The following RCAN3 variants were observed in gnomAD, a reference collection of about 807,000 sequenced individuals.
RCAN3 encodes calcipressin-3.
A neutral mutation model predicts 21.9 loss-of-function variants in RCAN3; 19 were observed. The ratio of observed to expected loss-of-function variants is 0.87; its 90% CI spans 0.61 to 1.27. RCAN3 has a LOEUF of 1.27. Ranked by LOEUF, RCAN3 falls within the 50% of genes most tolerant of loss-of-function variation. The pLI is 0.00. For missense variants in RCAN3, 240 were observed against 300.1 expected (o/e 0.80, Z 1.48); for synonymous variants, 114 against 112.3 (o/e 1.01, Z -0.09).
rs1242284068 is a variant in RCAN3 at position 24,535,305 on chromosome 1, G to A, written c.*28G>A. ...CCCTTGGTTGTGGTGCGAGGCGGCTGCCCTGGTGGGCTCTGGCCATGGCGC... is the reference window on the plus strand; with the variant it reads ...CCCTTGGTTGTGGTGCGAGGCGGCTACCCTGGTGGGCTCTGGCCATGGCGC... On this transcript the variant is annotated 3_prime_UTR_variant, in exon 5 of 5. Coordinates refer to ENST00000374395, the MANE Select transcript of RCAN3 (RefSeq NM_013441.4). 2.0e-6 allele frequency: 3 copies of A among 1,508,144 alleles called. No homozygotes were observed. The highest frequency in any genetic ancestry group is 2.6e-6 in the Non-Finnish European group (3 of 1,135,896). The allele number at this position is 1,508,144 out of a possible 1,614,324, so 93.4% of individuals were successfully genotyped here. A position where few individuals can be genotyped will look rare whatever the true frequency, so the allele number is the denominator to read the frequency against.
intron 2 of RCAN3, among the ~76,000 whole-genome samples, chr1:24,524,557 C>T (rs1448893241): frequency 6.6e-6 from 1 of 152,174 alleles, no homozygotes; most frequent in Admixed American, 6.6e-5. Flanking sequence ...AAGTCCATCT[C>T]TCTGGCTGTT....
chr1:24,508,643 C>T (rs1175936171), intron 1 of RCAN3, among the ~76,000 whole-genome samples: 1 of 152,144 alleles, frequency 6.6e-6, no homozygotes, highest in African/African-American at 2.4e-5. Flanking sequence ...TCATGTGCTA[C>T]AGAGATAGGC....
intron 3 of RCAN3, 56 bp from the exon 4 acceptor site, chr1:24,533,027 A>G (rs1022634604): frequency 1.7e-4 from 212 of 1,267,436 alleles, no homozygotes; most frequent in Non-Finnish European, 4.4e-5. Context: ...AAAGGTGAAA[A>G]TGAAGAAAAC....
At chr1:24,506,679 G>T (rs1483549437) in intron 1 of RCAN3, among the ~76,000 whole-genome samples, 1 of 141,492 alleles carries the variant, frequency 7.1e-6, no homozygotes. Flanking sequence ...ACTTCTGTTT[G>T]AAGTTATATC....
intron 2 of RCAN3, among the ~76,000 whole-genome samples, chr1:24,530,416 G>T (rs968707856): frequency 4.8e-5 from 7 of 145,894 alleles, no homozygotes; most frequent in Admixed American, 2.7e-4. Context: ...AACCTCAGGA[G>T]CAAGATCTAA....
At chr1:24,514,792 A>G (rs1372991278) in intron 2 of RCAN3, among the ~76,000 whole-genome samples, 3 of 152,012 alleles carry the variant, frequency 2.0e-5, no homozygotes, top group African/African-American at 7.3e-5. Context: ...AACATATAGA[A>G]ACCCTGTCTC....
chr1:24,528,868 C>G (rs1649502105), intron 2 of RCAN3, among the ~76,000 whole-genome samples: 1 of 152,154 alleles, frequency 6.6e-6, no homozygotes, highest in Non-Finnish European at 1.5e-5. Context: ...GTTTATAATA[C>G]TGTACCAAAC....
chr1:24,503,483 T>C (rs1647233116), intron 1 of RCAN3, among the ~76,000 whole-genome samples: 1 of 152,222 alleles, frequency 6.6e-6, no homozygotes, highest in African/African-American at 2.4e-5. Flanking sequence ...CCAGCCTGCC[T>C]GTGAAGGCAG....
intron 1 of RCAN3, among the ~76,000 whole-genome samples, chr1:24,506,051 G>A (rs77928273): frequency 1.3e-5 from 2 of 152,146 alleles, no homozygotes; most frequent in Non-Finnish European, 2.9e-5. Flanking sequence ...GAAGCCAGCC[G>A]TAGTTAGAGT....
intron 2 of RCAN3, among the ~76,000 whole-genome samples, chr1:24,528,426 T>C (rs1649455614): frequency 6.6e-6 from 1 of 152,094 alleles, no homozygotes; most frequent in Non-Finnish European, 1.5e-5. Flanking sequence ...GGCACACACA[T>C]GCATTATACA....
intron 2 of RCAN3, among the ~76,000 whole-genome samples, chr1:24,527,227 C>A (rs1259945728): frequency 6.6e-6 from 1 of 152,076 alleles, no homozygotes; most frequent in Non-Finnish European, 1.5e-5. Context: ...ATTGGCCAGG[C>A]TGGTCTCGAA....
At chr1:24,511,523 G>A (rs373320476) in intron 1 of RCAN3, among the ~76,000 whole-genome samples, 66 of 152,240 alleles carry the variant, frequency 4.3e-4, no homozygotes, top group African/African-American at 1.6e-3. Context: ...CCCACAACAC[G>A]TGTCGGTTAG....
chr1:24,531,283 T>G lies in RCAN3; in HGVS notation c.261T>G (p.Phe87Leu). The G allele has an allele frequency of 6.2e-7, 1 of 1,613,924 alleles. No individual in the cohort carries two copies. The highest frequency in any genetic ancestry group is 8.5e-7 in the Non-Finnish European group (1 of 1,179,878). Residue 87 changes from phenylalanine to leucine, a missense_variant, in exon 3 of 5, where the codon TTT becomes TTG. By Grantham distance (22) the Phe-to-Leu change is conservative. Coordinates refer to ENST00000374395, the MANE Select transcript of RCAN3 (RefSeq NM_013441.4). Reference sequence around the variant, plus strand: ...TTACTTTTCAGCTGTTTAAAAGCTTTAGAAGAGTCAGAATAAATTTCAGCA... The same window carrying G: ...TTACTTTTCAGCTGTTTAAAAGCTTGAGAAGAGTCAGAATAAATTTCAGCA... Reference protein sequence around the residue: ...DQVTFQLFKSFRRVRINFSKP... With the variant: ...DQVTFQLFKSLRRVRINFSKP...
intron 2 of RCAN3, among the ~76,000 whole-genome samples, chr1:24,514,968 CAA>C (rs36023468): frequency 0.34 from 45,931 of 136,644 alleles, 7,439 homozygotes; most frequent in East Asian, 0.66. Flanking sequence ...GACTCTGTCT[CAA>C]AAAAAAAAAA....
chr1:24,517,893 G>A (rs2148899395), intron 2 of RCAN3, among the ~76,000 whole-genome samples: 1 of 152,246 alleles, frequency 6.6e-6, no homozygotes, highest in Middle Eastern at 3.4e-3. Context: ...TCTTCTATCA[G>A]TGTCTTATTT....
intron 1 of RCAN3, among the ~76,000 whole-genome samples, chr1:24,508,484 G>A (rs1471300006): frequency 6.6e-6 from 1 of 152,188 alleles, no homozygotes; most frequent in African/African-American, 2.4e-5. Context: ...ATAAAGTCAC[G>A]CAGGAGAGAA....
Position 24,535,505 on chromosome 1 carries a change from A to G in RCAN3, c.*228A>G. 1 of 413,524 alleles carries G rather than the reference A, an allele frequency of 2.4e-6. No individual in the cohort carries two copies. Among genetic ancestry groups the G allele is most frequent in the Non-Finnish European group, 4.1e-6 (1 of 242,332 alleles). The allele number at this position is 413,524 out of a possible 1,614,324, so 25.6% of individuals were successfully genotyped here. A position where few individuals can be genotyped will look rare whatever the true frequency, so the allele number is the denominator to read the frequency against. ...AAAAGGGACTTTACATTAAAGGAGA[A>G]GCCCCCAAGATGTGGCCACCCTTAA... On this transcript the variant is annotated 3_prime_UTR_variant, in exon 5 of 5. Coordinates refer to ENST00000374395, the MANE Select transcript of RCAN3 (RefSeq NM_013441.4).
chr1:24,514,545 T>C lies in RCAN3; in HGVS notation c.173T>C (p.Val58Ala). 1.9e-6 allele frequency: 3 copies of C among 1,614,126 alleles called. No individual in the cohort carries two copies. The highest frequency in any genetic ancestry group is 8.5e-7 in the Non-Finnish European group (1 of 1,179,978). ...TTTGCTTGCAGCGTCCATGAAGCAGTGTTTGAGGCACGAGAGCAGAAGGTA... is the reference window on the plus strand; with the variant it reads ...TTTGCTTGCAGCGTCCATGAAGCAGCGTTTGAGGCACGAGAGCAGAAGGTA... ...SLFACSVHEA[V>A]FEAREQKERF... Residue 58 changes from valine to alanine, a missense_variant, in exon 2 of 5, where the codon GTG becomes GCG. By Grantham distance (64) the Val-to-Ala change is moderately conservative. Transcript: ENST00000374395.
intron 1 of RCAN3, among the ~76,000 whole-genome samples, chr1:24,504,725 G>C (rs900032222): frequency 2.0e-4 from 31 of 151,906 alleles, no homozygotes; most frequent in African/African-American, 7.3e-4. Flanking sequence ...TTGTTACTTA[G>C]AAAAAAAACA....
Sources: gnomAD v4.1 joint callset for allele counts (sites outside exome capture counted in the v4.1 genomes callset) on GRCh38, gnomAD v4.1.1 for gene constraint, MANE v1.5 for transcripts, NCBI Gene and HGNC (gene_info 2026-07-23, HGNC 2026-07-21) for gene names.